Variants in MAD1L1 observed in about 807,000 individuals in gnomAD.
MAD1L1 encodes the protein mitotic arrest deficient 1 like 1.
MAD1L1 carries 95 observed loss-of-function variants against 96.9 expected under a neutral mutation model. The ratio of observed to expected loss-of-function variants is 0.98; its 90% CI spans 0.83 to 1.16. The LOEUF is 1.16. MAD1L1 is among the 50% of genes most tolerant of loss of function. The pLI, the probability that MAD1L1 is intolerant of heterozygous loss-of-function variation, is 0.00. For missense variants in MAD1L1, 1,007 were observed against 954.4 expected, an observed-to-expected ratio of 1.06 and a Z score of -0.73; for synonymous variants, 473 against 396.6, an observed-to-expected ratio of 1.19 and a Z score of -2.29.
intron 17 of MAD1L1, among the ~76,000 whole-genome samples, chr7:1,910,594 C>T (rs1338743943): frequency 8.5e-5 from 13 of 152,214 alleles, no homozygotes; most frequent in Admixed American, 7.9e-4. Flanking sequence ...TGGGCCACCC[C>T]CACCAGTGGT....
At chr7:1,824,490 G>A (rs1302734781) in intron 18 of MAD1L1, among the ~76,000 whole-genome samples, 2 of 152,190 alleles carry the variant, frequency 1.3e-5, no homozygotes, top group Non-Finnish European at 2.9e-5. Context: ...GGGCCATGAG[G>A]ACAGCAGCTG....
At chr7:2,057,427 C>T in intron 12 of MAD1L1, among the ~76,000 whole-genome samples, 1 of 152,164 alleles carries the variant, frequency 6.6e-6, no homozygotes, top group East Asian at 1.9e-4. Context: ...GAGGGGAGAA[C>T]TGCTTGAACC....
intron 11 of MAD1L1, among the ~76,000 whole-genome samples, chr7:2,076,131 T>C (rs1755928542): frequency 6.6e-6 from 1 of 152,200 alleles, no homozygotes; most frequent in Non-Finnish European, 1.5e-5. Flanking sequence ...GAGTGGTGCC[T>C]GGAGTGTGGA....
chr7:1,938,890 G>A (rs1210159559), intron 16 of MAD1L1, among the ~76,000 whole-genome samples: 2 of 117,404 alleles, frequency 1.7e-5, no homozygotes, highest in South Asian at 6.3e-4. Context: ...TCCAGGGCCG[G>A]GGCCAGAGGC....
chr7:2,137,010 G>A (rs1435783211), intron 11 of MAD1L1, among the ~76,000 whole-genome samples: 1 of 152,206 alleles, frequency 6.6e-6, no homozygotes, highest in South Asian at 2.1e-4. Context: ...TGAGAGAGGA[G>A]GCCTCGAGGA....
At chr7:1,974,768 A>G (rs559571564) in intron 15 of MAD1L1, among the ~76,000 whole-genome samples, 2 of 152,374 alleles carry the variant, frequency 1.3e-5, no homozygotes, top group African/African-American at 4.8e-5. Flanking sequence ...AGGGCGTGAG[A>G]CGCCAGAAGG....
intron 10 of MAD1L1, among the ~76,000 whole-genome samples, chr7:2,199,622 G>A (rs1792175772): frequency 6.6e-6 from 1 of 152,264 alleles, no homozygotes; most frequent in African/African-American, 2.4e-5. Context: ...CCCCCGCAGT[G>A]CCCCGCCTGG....
Position 2,215,897 on chromosome 7 carries a change from C to T in MAD1L1, c.912G>A (p.Glu304=), listed in dbSNP as rs1215189823. The change falls in exon 9 of 19, where the codon GAG becomes GAA. Residue 304 remains glutamate (E), a synonymous_variant. Coordinates refer to ENST00000265854, the MANE Select transcript of MAD1L1 (RefSeq NM_001013836.2). ...CACAGGCCCTCACCTCGTTCTCCAG[C>T]TCCAAGCCAACCAGCGTCTCCTGCA... ...EKMQETLVGL[E]LENERLLAKL... The T allele has an allele frequency of 6.2e-7, 1 of 1,614,194 alleles. No homozygotes were observed. The highest frequency in any genetic ancestry group is 8.5e-7 in the Non-Finnish European group (1 of 1,180,024).
chr7:1,898,516 A>G (rs1473729644), intron 17 of MAD1L1, 126 bp from the exon 18 acceptor site: 5 of 723,994 alleles, frequency 6.9e-6, no homozygotes, highest in Non-Finnish European at 9.2e-6. Context: ...GGACACAGCA[A>G]GCCCCCGTGT....
chr7:2,052,909 C>T (rs1784245553), intron 12 of MAD1L1, among the ~76,000 whole-genome samples: 1 of 152,104 alleles, frequency 6.6e-6, no homozygotes, highest in African/African-American at 2.4e-5. Context: ...CATGTGTCCC[C>T]AGCAGGACAT....
At chr7:1,971,199 A>G (rs1280543561) in intron 15 of MAD1L1, among the ~76,000 whole-genome samples, 1 of 152,228 alleles carries the variant, frequency 6.6e-6, no homozygotes, top group Non-Finnish European at 1.5e-5. Context: ...TGAGCCCCGC[A>G]CAAACATCAC....
intron 17 of MAD1L1, among the ~76,000 whole-genome samples, chr7:1,913,845 T>A (rs1788177119): frequency 6.6e-6 from 1 of 151,870 alleles, no homozygotes; most frequent in Admixed American, 6.6e-5. Context: ...ACTTCACCCC[T>A]ATGGGAAGAA....
intron 16 of MAD1L1, among the ~76,000 whole-genome samples, chr7:1,946,363 CA>C (rs913601934): frequency 1.3e-5 from 2 of 152,146 alleles, no homozygotes; most frequent in African/African-American, 4.8e-5. Flanking sequence ...GGGCTGGCAC[CA>C]CTCAACTCAA....
At chr7:2,094,179 A>G (rs745528) in intron 11 of MAD1L1, among the ~76,000 whole-genome samples, 55,496 of 152,078 alleles carry the variant, frequency 0.36, 11,217 homozygotes, top group African/African-American at 0.55. Flanking sequence ...GCCACAAGGG[A>G]CAGCCCTCCC....
intron 11 of MAD1L1, among the ~76,000 whole-genome samples, chr7:2,145,344 C>A (rs1453218970): frequency 1.3e-5 from 2 of 152,246 alleles, no homozygotes; most frequent in Non-Finnish European, 2.9e-5. Context: ...AAGTCCTACA[C>A]TGAGAGTTCC....
At chr7:2,194,558 C>T (rs1004805731) in intron 10 of MAD1L1, among the ~76,000 whole-genome samples, 1 of 152,202 alleles carries the variant, frequency 6.6e-6, no homozygotes, top group Non-Finnish European at 1.5e-5. Flanking sequence ...CTATTCTGGG[C>T]TAGAAAGGCA....
At chr7:2,191,749 T>TAA (rs1210565869) in intron 10 of MAD1L1, among the ~76,000 whole-genome samples, 3 of 151,102 alleles carry the variant, frequency 2.0e-5, no homozygotes, top group Admixed American at 2.0e-4. Context: ...TAAAAAAAAT[T>TAA]AAGCCGGGTG....
intron 13 of MAD1L1, among the ~76,000 whole-genome samples, chr7:2,009,167 G>A (rs372113194): frequency 1.1e-4 from 17 of 152,298 alleles, no homozygotes; most frequent in African/African-American, 4.1e-4. Flanking sequence ...GGGCCCTGGC[G>A]CCCTTGGCAC....
chr7:2,166,047 A>G (rs1184295038), intron 10 of MAD1L1, among the ~76,000 whole-genome samples: 1 of 152,218 alleles, frequency 6.6e-6, no homozygotes, highest in African/African-American at 2.4e-5. Flanking sequence ...TGACTTCAGT[A>G]AAACCACACG....
Sources: gnomAD v4.1 joint callset for allele counts (sites outside exome capture counted in the v4.1 genomes callset) on GRCh38, gnomAD v4.1.1 for gene constraint, MANE v1.5 for transcripts, NCBI Gene and HGNC (gene_info 2026-07-23, HGNC 2026-07-21) for gene names.